PRKCZ: variants seen among roughly 807,000 people sequenced by gnomAD.
PRKCZ encodes protein kinase C zeta, also known as protein kinase C zeta type.
PRKCZ carries 33 observed loss-of-function variants against 79.5 expected under a neutral mutation model. The ratio of observed to expected loss-of-function variants is 0.41; its 90% CI spans 0.31 to 0.55. The LOEUF is 0.55. Ranked by LOEUF, PRKCZ falls within the 20% of genes least tolerant of loss-of-function variation. PRKCZ has a pLI of 0.19. For missense variants in PRKCZ, 578 were observed against 813.5 expected, an observed-to-expected ratio of 0.71 and a Z score of 3.52; for synonymous variants, 342 against 320.9, an observed-to-expected ratio of 1.07 and a Z score of -0.70.
intron 4 of PRKCZ, chr1:2,111,603 C>T (rs1246772275): frequency 2.6e-5 from 4 of 152,270 alleles, no homozygotes; most frequent in African/African-American, 9.7e-5. Flanking sequence ...TGCTGCGCCC[C>T]GCCTGCCATT....
In PRKCZ at chr1:2,148,884, C is replaced by T; in HGVS notation, c.647C>T (p.Ser216Phe). The change falls in exon 8 of 18, where the codon TCC becomes TTC. Residue 216 changes from serine to phenylalanine, a missense_variant. By Grantham distance (155) the Ser-to-Phe change is radical. Around this residue, in one of 4 missense-constraint regions of PRKCZ, gnomAD observed 91 missense variants for 97.5 expected, o/e 0.93. Coordinates refer to ENST00000378567, the MANE Select transcript of PRKCZ (RefSeq NM_002744.6). ...CCTCTCTCACCAGTTGCTTACATTT[C>T]CTCATCCCGGAAGCATGACAGCATT... ...SEETDGIAYI[S>F]SSRKHDSIKD... The T allele has an allele frequency of 6.2e-7, 1 of 1,613,940 alleles. No individual in the cohort carries two copies.
At chr1:2,068,965 G>A (rs4511053) in intron 4 of PRKCZ, among the ~76,000 whole-genome samples, 6,039 of 152,238 alleles carry the variant, frequency 0.04, 206 homozygotes, top group East Asian at 0.15. Flanking sequence ...GCCTGGGTGG[G>A]CAGCCTCCCC....
At position 2,172,864 on chromosome 1, in the gene PRKCZ, G is replaced by A. The variant is rs1684701827; in HGVS notation, c.1285+476G>A. 6.6e-6 allele frequency among the ~76,000 whole-genome samples: 1 copy of A among 152,206 alleles called. No individual in the cohort carries two copies. Among genetic ancestry groups the A allele is most frequent in the South Asian group, 2.1e-4 (1 of 4,836 alleles). On this transcript the variant is annotated intron_variant, in intron 13 of 17. Coordinates refer to ENST00000378567, the MANE Select transcript of PRKCZ (RefSeq NM_002744.6). The surrounding 1 kb of genome is among the most constrained non-coding windows in gnomAD (Gnocchi z 7.8). ...GTGAAACGGGGACATGGGCACGCGT[G>A]TGCAGCCGTGTGTGCGTGTGTGAAA...
At position 2,117,998 on chromosome 1, in the gene PRKCZ, C is replaced by CCTT. The variant is rs58233626; in HGVS notation, c.335-17264_335-17263insCTT. ...TATGAGAGAGATTAGCCTATTATTT[C>CCTT]TTTTTTTTTTTTTTTTGGAGTCTCA... On this transcript the variant is annotated intron_variant, in intron 4 of 17. Coordinates refer to ENST00000378567, the MANE Select transcript of PRKCZ (RefSeq NM_002744.6). 1.4e-4 allele frequency among the ~76,000 whole-genome samples: 9 copies of CCTT among 65,054 alleles called. 1 individual carries two copies. The highest frequency in any genetic ancestry group is 5.4e-4 in the South Asian group (1 of 1,842). 42.7% of individuals were successfully genotyped at this position (65,054 alleles called of 152,430 possible).
chr1:2,064,706 A>T (rs976945578), intron 4 of PRKCZ, among the ~76,000 whole-genome samples: 1 of 152,098 alleles, frequency 6.6e-6, no homozygotes, highest in Non-Finnish European at 1.5e-5. Flanking sequence ...CTTCTAGTCC[A>T]TTGGTCTCTG....
In PRKCZ at chr1:2,094,677, C is replaced by T. The variant is rs987965729; in HGVS notation, c.334+35086C>T. On this transcript the variant is annotated intron_variant, in intron 4 of 17. Transcript: ENST00000378567. This position sits in a 1 kb window ranked among gnomAD's most constrained non-coding sequence, Gnocchi z 7.3. ...GGCTCGTTGAACCTTGGGCGCTGCCCGTTCTGAGGCGCCCGCTGTGCCCGG... is the reference window on the plus strand; with the variant it reads ...GGCTCGTTGAACCTTGGGCGCTGCCTGTTCTGAGGCGCCCGCTGTGCCCGG... Among the ~76,000 whole-genome samples, 2 of 141,612 alleles carry T rather than the reference C, an allele frequency of 1.4e-5. No homozygotes were observed. Among genetic ancestry groups the T allele is most frequent in the African/African-American group, 5.5e-5 (2 of 36,470 alleles). The allele number at this position is 141,612 out of a possible 152,430, so 92.9% of individuals were successfully genotyped here. A position where few individuals can be genotyped will look rare whatever the true frequency, so the allele number is the denominator to read the frequency against.
chr1:2,184,903 CT>C lies in PRKCZ; in HGVS notation c.1692-18del, dbSNP rs765841611. On this transcript the variant is annotated intron_variant, in intron 17 of 17. Transcript: ENST00000378567. Reference sequence around the variant, plus strand: ...GAACACACGGTCACCCCCCTCCCCCCTGCCACCTTTGCCCACAGGGATGCCA... The same window carrying C: ...GAACACACGGTCACCCCCCTCCCCCCGCCACCTTTGCCCACAGGGATGCCA... 1.4e-5 allele frequency: 23 copies of C among 1,609,148 alleles called. No homozygotes were observed. The highest frequency in any genetic ancestry group is 1.2e-4 in the South Asian group (11 of 90,740).
At position 2,125,261 on chromosome 1, in the gene PRKCZ, T is replaced by C. The variant is rs1673645611; in HGVS notation, c.335-10001T>C. Among the ~76,000 whole-genome samples the C allele has an allele frequency of 1.3e-5, 2 of 152,250 alleles. No homozygotes were observed. Among genetic ancestry groups the C allele is most frequent in the Non-Finnish European group, 2.9e-5 (2 of 68,046 alleles). On this transcript the variant is annotated intron_variant, in intron 4 of 17. Coordinates refer to ENST00000378567, the MANE Select transcript of PRKCZ (RefSeq NM_002744.6). The surrounding 1 kb of genome is among the most constrained non-coding windows in gnomAD (Gnocchi z 4.2). ...TATTTGCAACTGACTGCTTGGAAGT[T>C]GGCGTACATCTTTCCACGGAAACTA...
intron 4 of PRKCZ, among the ~76,000 whole-genome samples, chr1:2,084,097 A>C (rs528563921): frequency 1.6e-4 from 25 of 152,240 alleles, no homozygotes; most frequent in African/African-American, 4.8e-4. Context: ...CCGGGCATGC[A>C]TGGTGGCGGA....
At chr1:2,116,633 G>A (rs564230602) in intron 4 of PRKCZ, among the ~76,000 whole-genome samples, 1 of 152,100 alleles carries the variant, frequency 6.6e-6, no homozygotes, top group African/African-American at 2.4e-5. Context: ...GGACTGATCT[G>A]TCCCCTTTGT....
chr1:2,062,312 G>A (rs1174898323), intron 4 of PRKCZ, among the ~76,000 whole-genome samples: 1 of 152,070 alleles, frequency 6.6e-6, no homozygotes, highest in Non-Finnish European at 1.5e-5. Context: ...TGGCCCTGCG[G>A]ATTCTGGACG....
chr1:2,161,630 C>T (rs559055117), intron 10 of PRKCZ, among the ~76,000 whole-genome samples: 62 of 152,298 alleles, frequency 4.1e-4, no homozygotes, highest in Middle Eastern at 3.4e-3. Flanking sequence ...ACTGGCCGCT[C>T]TTAGAACAGG....
At chr1:2,068,270 C>A (rs891744620) in intron 4 of PRKCZ, among the ~76,000 whole-genome samples, 3 of 152,194 alleles carry the variant, frequency 2.0e-5, no homozygotes, top group African/African-American at 7.2e-5. Flanking sequence ...TCTCAGAGAC[C>A]CCCCGCCTTC....
chr1:2,113,925 G>A (rs1212045581), intron 4 of PRKCZ, among the ~76,000 whole-genome samples: 1 of 152,066 alleles, frequency 6.6e-6, no homozygotes, highest in Non-Finnish European at 1.5e-5. Context: ...AGTGTAGAGA[G>A]GGCGGGGGCC....
At chr1:2,129,130 C>T (rs1674486488) in intron 4 of PRKCZ, among the ~76,000 whole-genome samples, 1 of 152,162 alleles carries the variant, frequency 6.6e-6, no homozygotes, top group Non-Finnish European at 1.5e-5. Context: ...CGTGTCCAGG[C>T]CCCTTACACT....
At chr1:2,083,927 G>T (rs896064911) in intron 4 of PRKCZ, among the ~76,000 whole-genome samples, 1 of 152,178 alleles carries the variant, frequency 6.6e-6, no homozygotes, top group Non-Finnish European at 1.5e-5. Context: ...TTACGCGTGC[G>T]TGTGTTTTAA....
At chr1:2,101,471 T>G (rs772020395) in intron 4 of PRKCZ, among the ~76,000 whole-genome samples, 1 of 152,230 alleles carries the variant, frequency 6.6e-6, no homozygotes, top group African/African-American at 2.4e-5. Context: ...ATCCTGTTGC[T>G]GATTTACTTG....
chr1:2,155,655 A>AGTG (rs144917548), intron 9 of PRKCZ, among the ~76,000 whole-genome samples: 3 of 148,242 alleles, frequency 2.0e-5, no homozygotes, highest in African/African-American at 5.0e-5. Context: ...TGACAGCAAC[A>AGTG]ATGATGGTGG....
intron 4 of PRKCZ, chr1:2,133,607 G>GCTCATCCCTCGGCTCCGCC (rs1675496471): frequency 7.1e-6 from 1 of 141,722 alleles, no homozygotes; most frequent in Non-Finnish European, 1.5e-5. Flanking sequence ...CCGGCTGTGC[G>GCTCATCCCTCGGCTCCGCC]CTCATCCCTC....
Sources: allele counts gnomAD v4.1 joint callset (sites outside exome capture counted in the v4.1 genomes callset), GRCh38; gene constraint gnomAD v4.1.1; regional missense constraint gnomAD v4.1.1; non-coding constraint Gnocchi (gnomAD v3.1); transcripts MANE v1.5; gene names NCBI Gene and HGNC (gene_info 2026-07-23, HGNC 2026-07-21).